CBX3: variants seen among roughly 807,000 people sequenced by gnomAD.
CBX3 encodes the protein chromobox protein homolog 3.
CBX3 carries 5 observed loss-of-function variants against 22.6 expected under a neutral mutation model. The ratio of observed to expected loss-of-function variants is 0.22; its 90% CI spans 0.12 to 0.47. CBX3 has a LOEUF of 0.47. Among genes scored for constraint, CBX3 ranks in the 20% least tolerant of loss-of-function variants. The probability of loss-of-function intolerance (pLI) is 0.99; values close to 1 mark genes in which losing one functional copy is unlikely to be tolerated. For missense variants in CBX3, 83 were observed against 208.1 expected, an observed-to-expected ratio of 0.40 and a Z score of 3.70; for synonymous variants, 50 against 66.6, an observed-to-expected ratio of 0.75 and a Z score of 1.21.
Position 26,206,379 on chromosome 7 carries a change from A to G in CBX3, c.36A>G (p.Gly12=), listed in dbSNP as rs751559785. ...ASNKTTLQKM[G]KKQNGKSKKV... ...TTGTTTTATTTTAGCAAAAAATGGG[A>G]AAAAAACAGAATGGAAAGAGTAAAA... is the stretch of plus-strand genomic sequence containing the variant. The change falls in exon 3 of 6, where the codon GGA becomes GGG. Residue 12 remains glycine (G), a synonymous_variant. Coordinates refer to ENST00000396386, the MANE Select transcript of CBX3 (RefSeq NM_016587.4). 5 of 1,602,118 alleles carry G rather than the reference A, an allele frequency of 3.1e-6. No individual in the cohort carries two copies. The highest frequency in any genetic ancestry group is 1.1e-5 in the South Asian group (1 of 88,962).
intron 3 of CBX3, 55 bp downstream of exon 3, chr7:26,206,565 A>G (rs1480466024): frequency 2.2e-5 from 35 of 1,562,972 alleles, no homozygotes; most frequent in Non-Finnish European, 3.1e-5. Flanking sequence ...AAGTGGTTTT[A>G]GAATTTGTTT....
chr7:26,206,042 A>G (rs1784667854), intron 2 of CBX3: 3 of 214,168 alleles, frequency 1.4e-5, no homozygotes, highest in Non-Finnish European at 2.8e-5. Context: ...GTGAGCTGAG[A>G]TCACGCCACT....
chr7:26,208,324 G>T, intron 3 of CBX3, 69 bp from the exon 4 acceptor site: 1 of 1,281,662 alleles, frequency 7.8e-7, no homozygotes, highest in Non-Finnish European at 1.1e-6. Context: ...TATTAAAATA[G>T]ATCTGGATAA....
chr7:26,204,812 A>C (rs959633417), intron 2 of CBX3, among the ~76,000 whole-genome samples: 4 of 151,936 alleles, frequency 2.6e-5, no homozygotes, highest in African/African-American at 9.7e-5. Flanking sequence ...TTTTTGAGAC[A>C]GAGTTTTTCT....
chr7:26,211,542 A>G (rs556012006), intron 4 of CBX3, 120 bp from the exon 5 acceptor site: 1 of 542,402 alleles, frequency 1.8e-6, no homozygotes, highest in South Asian at 3.6e-5. Context: ...TTTAATTACC[A>G]AATATGGGTT....
In CBX3 at chr7:26,213,182, C is replaced by T. The variant is rs7186; in HGVS notation, c.*974C>T. ...TAACCTATTGACCTGCATGTTTTTT[C>T]TTTACCCCAATTCATTACATGGAGG... On this transcript the variant is annotated 3_prime_UTR_variant, in exon 6 of 6. Transcript: ENST00000396386. 1.3e-5 allele frequency: 2 copies of T among 152,674 alleles called. No homozygotes were observed. Among genetic ancestry groups the T allele is most frequent in the African/African-American group, 4.8e-5 (2 of 41,474 alleles). The allele number at this position is 152,674 out of a possible 1,614,324, so 9.5% of individuals were successfully genotyped here.
At position 26,206,527 on chromosome 7, in the gene CBX3, C is replaced by G; in HGVS notation, c.167+17C>G. 1 of 1,603,770 alleles carries G rather than the reference C, an allele frequency of 6.2e-7. No homozygotes were observed. Among genetic ancestry groups the G allele is most frequent in the Non-Finnish European group, 8.5e-7 (1 of 1,174,584 alleles). On this transcript the variant is annotated intron_variant, in intron 3 of 5. Coordinates refer to ENST00000396386, the MANE Select transcript of CBX3 (RefSeq NM_016587.4). ...ATTTACAGAGTAAGAAACTTTAGTGCATCTTTACTATATGTTTAACTGCAG... is the reference window on the plus strand; with the variant it reads ...ATTTACAGAGTAAGAAACTTTAGTGGATCTTTACTATATGTTTAACTGCAG...
Position 26,201,783 on chromosome 7 carries a change from A to T in CBX3, c.-72A>T. ...TTGAGCTGTAGGCGCGGAGGGCCGG[A>T]GACGCTGCAGACCCGCGACCCGGAG... On this transcript the variant is annotated 5_prime_UTR_variant, in exon 1 of 6. Transcript: ENST00000396386. The T allele has an allele frequency of 3.9e-6, 1 of 255,278 alleles. No homozygotes were observed. Among genetic ancestry groups the T allele is most frequent in the East Asian group, 5.7e-5 (1 of 17,464 alleles). The allele number at this position is 255,278 out of a possible 1,614,324, so 15.8% of individuals were successfully genotyped here. A position where few individuals can be genotyped will look rare whatever the true frequency, so the allele number is the denominator to read the frequency against.
Position 26,208,567 on chromosome 7 carries a change from A to G in CBX3, c.330+12A>G, listed in dbSNP as rs1255775345. The G allele has an allele frequency of 6.3e-7, 1 of 1,585,712 alleles. No homozygotes were observed. The highest frequency in any genetic ancestry group is 8.6e-7 in the Non-Finnish European group (1 of 1,162,548). On this transcript the variant is annotated intron_variant, in intron 4 of 5. Coordinates refer to ENST00000396386, the MANE Select transcript of CBX3 (RefSeq NM_016587.4). ...AGAAAAGAGATGCTGTAAGTATAAA[A>G]TATTGCCCACCAGCTTGTCCTTTTG...
At chr7:26,205,753 G>T (rs1405772637) in intron 2 of CBX3, among the ~76,000 whole-genome samples, 1 of 152,182 alleles carries the variant, frequency 6.6e-6, no homozygotes, top group Non-Finnish European at 1.5e-5. Context: ...GTTTGTTGCA[G>T]TGTTGTTAAA....
At chr7:26,207,631 G>A (rs1186280350) in intron 3 of CBX3, among the ~76,000 whole-genome samples, 3 of 152,020 alleles carry the variant, frequency 2.0e-5, no homozygotes, top group African/African-American at 7.2e-5. Context: ...CGATTTTCCT[G>A]CCTCAGCCTC....
intron 2 of CBX3, among the ~76,000 whole-genome samples, chr7:26,205,295 C>T (rs578139828): frequency 4.6e-5 from 7 of 152,202 alleles, no homozygotes; most frequent in Non-Finnish European, 1.0e-4. Context: ...TAGTGTCATA[C>T]CAAAGAAAAT....
chr7:26,201,601 G>C (rs1282171765), upstream of CBX3: 16 of 149,878 alleles, frequency 1.1e-4, no homozygotes, highest in East Asian at 2.6e-3. Flanking sequence ...CCTCCCCCTA[G>C]GGCCCCAATT....
intron 2 of CBX3, among the ~76,000 whole-genome samples, chr7:26,204,325 C>G (rs370865324): frequency 2.6e-5 from 4 of 151,636 alleles, no homozygotes; most frequent in African/African-American, 9.7e-5. Context: ...GTGGCAGTAG[C>G]TGTTTTGTTT....
chr7:26,208,618 TTTTGTTTG>T, intron 4 of CBX3, 63 bp downstream of exon 4: 1 of 1,466,330 alleles, frequency 6.8e-7, no homozygotes, highest in Non-Finnish European at 9.3e-7. Context: ...TTGATTTCTT[TTTTGTTTG>T]TTTGTTTTTT....
At chr7:26,203,075 C>G (rs895034894) in intron 2 of CBX3, 53 bp downstream of exon 2, 86 of 1,193,978 alleles carry the variant, frequency 7.2e-5, no homozygotes, top group Non-Finnish European at 9.8e-5. Context: ...GTTTTTTTTC[C>G]CCACAGTATA....
intron 2 of CBX3, 29 bp from the exon 3 acceptor site, chr7:26,206,339 T>A (rs772403539): frequency 9.0e-7 from 1 of 1,112,132 alleles, no homozygotes; most frequent in Non-Finnish European, 1.2e-6. Context: ...AGAGGAATAT[T>A]TCTTAATTTC....
chr7:26,213,015 G>A lies in CBX3; in HGVS notation c.*807G>A, dbSNP rs1784845006. The stretch of plus-strand genomic sequence containing the variant: ...GCGGGCCATTCCTTAGCAAAATGTT[G>A]GAATCCCTGTTGCTACATTGACTAA... On this transcript the variant is annotated 3_prime_UTR_variant, in exon 6 of 6. Coordinates refer to ENST00000396386, the MANE Select transcript of CBX3 (RefSeq NM_016587.4). 1 of 152,274 alleles carries A rather than the reference G, an allele frequency of 6.6e-6. No individual in the cohort carries two copies. The highest frequency in any genetic ancestry group is 2.4e-5 in the African/African-American group (1 of 41,464). The allele number at this position is 152,274 out of a possible 1,614,324, so 9.4% of individuals were successfully genotyped here.
upstream of CBX3, chr7:26,201,670 C>T (rs1451804643): frequency 2.8e-5 from 4 of 140,890 alleles, no homozygotes; most frequent in Admixed American, 1.5e-4. Flanking sequence ...CTGCCCCGCC[C>T]TTCGTGGCCG....
Sources: gnomAD v4.1 joint callset for allele counts (sites outside exome capture counted in the v4.1 genomes callset) on GRCh38, gnomAD v4.1.1 for gene constraint, MANE v1.5 for transcripts, NCBI Gene and HGNC (gene_info 2026-07-23, HGNC 2026-07-21) for gene names.